LARP1: variants seen among roughly 807,000 people sequenced by gnomAD.
LARP1 encodes La ribonucleoprotein 1, translational regulator.
LARP1 carries 36 observed loss-of-function variants against 122.7 expected under a neutral mutation model. That is an observed-to-expected ratio of 0.29 (90% CI 0.22 to 0.39). The LOEUF is 0.39. Ranked by LOEUF, LARP1 falls within the 10% of genes least tolerant of loss-of-function variation. LARP1 has a pLI of 1.00. For synonymous variants in LARP1, 539 were observed against 528.7 expected (o/e 1.02, Z -0.27); for missense variants, 1,040 against 1,403.6 (o/e 0.74, Z 4.14).
At chr5:154,790,486 G>A in intron 2 of LARP1, 100 bp downstream of exon 2, 3 of 1,319,478 alleles carry the variant, frequency 2.3e-6, no homozygotes, top group Admixed American at 3.7e-5. Flanking sequence ...GTTCTGGATT[G>A]TCTGTGAATT....
rs774910436 is a variant in LARP1, at chr5:154,756,207, C to T, written c.436+14C>T. 3 of 1,254,572 alleles carry T rather than the reference C, an allele frequency of 2.4e-6. No individual in the cohort carries two copies. The highest frequency in any genetic ancestry group is 3.1e-6 in the Non-Finnish European group (3 of 971,008). 77.7% of individuals were successfully genotyped at this position (1,254,572 alleles called of 1,614,324 possible). A position where few individuals can be genotyped will look rare whatever the true frequency, so the allele number is the denominator to read the frequency against. ...AGTCCCCCCCAGGTGGGTCTCCCTC[C>T]TTGCCCTCCTGGGTCCGGGGGCCTC... On this transcript the variant is annotated intron_variant, in intron 1 of 18. Coordinates refer to ENST00000518297, the MANE Select transcript of LARP1 (RefSeq NM_033551.3).
At chr5:154,764,278 C>G (rs997576803) in intron 1 of LARP1, among the ~76,000 whole-genome samples, 5 of 150,726 alleles carry the variant, frequency 3.3e-5, no homozygotes, top group Non-Finnish European at 7.4e-5. Flanking sequence ...CCATTGCACT[C>G]CAGCCTGGGT....
At chr5:154,780,176 C>G (rs1307559982) in intron 1 of LARP1, among the ~76,000 whole-genome samples, 1 of 152,180 alleles carries the variant, frequency 6.6e-6, no homozygotes, top group Middle Eastern at 3.2e-3. Flanking sequence ...ACCAAATGTG[C>G]CCAGCCTGCC....
At chr5:154,788,241 G>A (rs1757042433) in intron 1 of LARP1, among the ~76,000 whole-genome samples, 1 of 152,186 alleles carries the variant, frequency 6.6e-6, no homozygotes, top group South Asian at 2.1e-4. Flanking sequence ...GTGCAGAATG[G>A]CCCCTTGGGC....
intron 8 of LARP1, among the ~76,000 whole-genome samples, chr5:154,797,218 G>GTTTT (rs1430709731): frequency 3.0e-5 from 2 of 66,202 alleles, no homozygotes; most frequent in African/African-American, 1.2e-4. Context: ...TTTTGTTGTT[G>GTTTT]TTGTTTTTTT....
rs969213684 is a variant in LARP1 at position 154,802,553 on chromosome 5, A to G, written c.2109+154A>G. ...GGGAAGGGGATGATGACTGACATCT[A>G]GCTTGGGCATTAGGAGTGAGGGGTG... On this transcript the variant is annotated intron_variant, in intron 11 of 18. Coordinates refer to ENST00000518297, the MANE Select transcript of LARP1 (RefSeq NM_033551.3). This position sits in a 1 kb window ranked among gnomAD's most constrained non-coding sequence, Gnocchi z 5.1. 3.3e-5 allele frequency among the ~76,000 whole-genome samples: 5 copies of G among 152,166 alleles called. No individual in the cohort carries two copies. The highest frequency in any genetic ancestry group is 6.5e-5 in the Admixed American group (1 of 15,270).
chr5:154,755,910 C>T lies in LARP1; in HGVS notation c.153C>T (p.Gly51=). ...PNDVRGGEPD[G]SARRPRPPCA... ...ACGTCCGCGGGGGGGAGCCGGACGG[C>T]AGCGCTCGGAGACCCCGGCCGCCCT... The change falls in exon 1 of 19, where the codon GGC becomes GGT. Residue 51 remains glycine (G), a synonymous_variant. Transcript: ENST00000518297. 2.0e-6 allele frequency: 2 copies of T among 1,006,298 alleles called. No individual in the cohort carries two copies. Among genetic ancestry groups the T allele is most frequent in the Non-Finnish European group, 2.4e-6 (2 of 842,696 alleles). 62.3% of individuals were successfully genotyped at this position (1,006,298 alleles called of 1,614,324 possible). A position where few individuals can be genotyped will look rare whatever the true frequency, so the allele number is the denominator to read the frequency against.
chr5:154,808,728 G>GA, intron 16 of LARP1, 125 bp downstream of exon 16: 1 of 991,396 alleles, frequency 1.0e-6, no homozygotes. Context: ...TATACTTGAT[G>GA]AAAAATTTGT....
At chr5:154,805,592 A>G (rs1472932063) in intron 14 of LARP1, among the ~76,000 whole-genome samples, 1 of 152,200 alleles carries the variant, frequency 6.6e-6, no homozygotes, top group Non-Finnish European at 1.5e-5. Flanking sequence ...AAATGGTTAA[A>G]AGCTCAAGTT....
upstream of LARP1, among the ~76,000 whole-genome samples, chr5:154,710,102 C>T (rs1017085928): frequency 7.2e-5 from 11 of 152,018 alleles, no homozygotes; most frequent in African/African-American, 1.4e-4. Context: ...GATGGGGAGC[C>T]GCTGTAAATA....
intron 8 of LARP1, among the ~76,000 whole-genome samples, chr5:154,796,192 A>ATATTTATATAT (rs1561616524): frequency 3.4e-4 from 42 of 124,612 alleles, no homozygotes; most frequent in African/African-American, 1.1e-3. Context: ...TATATTTTAT[A>ATATTTATATAT]TATATATATA....
intron 1 of LARP1, among the ~76,000 whole-genome samples, chr5:154,776,961 A>G (rs897576495): frequency 1.3e-5 from 2 of 152,230 alleles, no homozygotes; most frequent in African/African-American, 4.8e-5. Context: ...ATAAATATCA[A>G]AACAACCCAA....
chr5:154,777,516 G>C (rs1288618073), intron 1 of LARP1, among the ~76,000 whole-genome samples: 4 of 152,078 alleles, frequency 2.6e-5, no homozygotes, highest in Non-Finnish European at 4.4e-5. Context: ...GCGAGACTCT[G>C]TATCAAAAAG....
chr5:154,778,748 T>G (rs1756138358), intron 1 of LARP1, among the ~76,000 whole-genome samples: 1 of 152,200 alleles, frequency 6.6e-6, no homozygotes, highest in Non-Finnish European at 1.5e-5. Context: ...ACCAGTCTCT[T>G]GACTTCTAGC....
rs1291898706 is a variant in LARP1 at position 154,728,759 on chromosome 5, A to G, written c.205+15629A>G. ...AAAGAGAACACTGAAGACTATAGGA[A>G]TAGCAGATATGAGGAACAGCCACTA... On this transcript the variant is annotated intron_variant, in intron 1 of 18. Coordinates refer to the LARP1 transcript ENST00000336314. 2.0e-5 allele frequency among the ~76,000 whole-genome samples: 3 copies of G among 152,230 alleles called. No individual in the cohort carries two copies. The East Asian group carries it at 5.8e-4, about 29-fold the overall frequency.
At chr5:154,728,069 A>G (rs1383575687) in intron 1 of LARP1, among the ~76,000 whole-genome samples, 5 of 152,210 alleles carry the variant, frequency 3.3e-5, no homozygotes, top group African/African-American at 1.2e-4. Context: ...CTGTGTCTCA[A>G]AAGAAAGAAG....
At chr5:154,774,817 G>A (rs761041616) in intron 1 of LARP1, among the ~76,000 whole-genome samples, 9 of 152,146 alleles carry the variant, frequency 5.9e-5, no homozygotes, top group Non-Finnish European at 1.2e-4. Context: ...AAGCCGTCTG[G>A]TCACTTCTTT....
intron 1 of LARP1, among the ~76,000 whole-genome samples, chr5:154,700,029 T>C (rs979152298): frequency 1.3e-5 from 2 of 152,164 alleles, no homozygotes; most frequent in African/African-American, 4.8e-5. Context: ...CATTTTTGGG[T>C]GGCTTTTCCT....
chr5:154,767,716 G>C (rs1755071083), intron 1 of LARP1, among the ~76,000 whole-genome samples: 1 of 152,170 alleles, frequency 6.6e-6, no homozygotes, highest in South Asian at 2.1e-4. Flanking sequence ...AGCTCTCTCT[G>C]ATTTTTCTGT....
Sources: allele counts gnomAD v4.1 joint callset (sites outside exome capture counted in the v4.1 genomes callset), GRCh38; gene constraint gnomAD v4.1.1; non-coding constraint Gnocchi (gnomAD v3.1); transcripts MANE v1.5; gene names NCBI Gene and HGNC (gene_info 2026-07-23, HGNC 2026-07-21).